Variants in RLIG1 observed in about 807,000 individuals in gnomAD.
RLIG1 encodes RNA 5'-phosphate and 3'-OH ligase 1.
chr12:88,048,125 T>A, the RLIG1 span: 1 of 689,238 alleles, frequency 1.5e-6, no homozygotes. Flanking sequence ...AACAGTAAGA[T>A]AAAGTGGAGT....
chr12:88,049,140 A>AAAGTT, the RLIG1 span: 3 of 1,149,270 alleles, frequency 2.6e-6, no homozygotes, highest in East Asian at 4.8e-5. Flanking sequence ...TTTAACTTAT[A>AAAGTT]AAGTTAATAA....
the RLIG1 span, among the ~76,000 whole-genome samples, chr12:88,038,089 G>A: frequency 7.0e-3 from 1,069 of 152,228 alleles, 11 homozygotes; most frequent in African/African-American, 0.024. Context: ...AAAATTGTTA[G>A]GGGAAAAACA....
chr12:88,040,232 G>A, the RLIG1 span: 8 of 1,603,174 alleles, frequency 5.0e-6, no homozygotes, highest in Non-Finnish European at 6.8e-6. Flanking sequence ...AGAAAAAGTG[G>A]ATGGAACATG....
chr12:88,050,119 A>G, the RLIG1 span: 39 of 352,494 alleles, frequency 1.1e-4, no homozygotes, highest in Non-Finnish European at 1.6e-4. Context: ...CTAATGGCAT[A>G]TATTTGTTAC....
At chr12:88,038,524 A>G in the RLIG1 span, among the ~76,000 whole-genome samples, 1 of 152,162 alleles carries the variant, frequency 6.6e-6, no homozygotes, top group Non-Finnish European at 1.5e-5. Flanking sequence ...TATAGAGGCA[A>G]TTTTTCTTTT....
At chr12:88,039,757 G>A in the RLIG1 span, among the ~76,000 whole-genome samples, 3 of 152,028 alleles carry the variant, frequency 2.0e-5, no homozygotes, top group African/African-American at 4.8e-5. Context: ...TAAAATGCAA[G>A]TTTCACCCAA....
At chr12:88,045,492 A>T in the RLIG1 span, 1 of 935,672 alleles carries the variant, frequency 1.1e-6, no homozygotes, top group Non-Finnish European at 1.6e-6. Context: ...AGAAAACATG[A>T]GAAATTTACA....
At chr12:88,035,585 C>T in the RLIG1 span, 7 of 1,521,474 alleles carry the variant, frequency 4.6e-6, no homozygotes, top group African/African-American at 6.9e-5. Flanking sequence ...CAGGGCTTCT[C>T]CGCGACTGGA....
the RLIG1 span, chr12:88,047,062 A>G: frequency 7.9e-7 from 1 of 1,264,524 alleles, no homozygotes; most frequent in Non-Finnish European, 1.1e-6. Context: ...CTCTCTACAA[A>G]TGGCAGCAAT....
At chr12:88,049,377 A>G in the RLIG1 span, 5 of 1,549,030 alleles carry the variant, frequency 3.2e-6, no homozygotes, top group African/African-American at 1.4e-5. Context: ...TGAAGGATCA[A>G]AATTTTCCAG....
the RLIG1 span, chr12:88,036,114 C>T: frequency 1.5e-6 from 2 of 1,314,786 alleles, no homozygotes; most frequent in Non-Finnish European, 1.0e-6. Flanking sequence ...TTCAAGAGTG[C>T]AGTAAGAAAG....
the RLIG1 span, among the ~76,000 whole-genome samples, chr12:88,040,915 G>A: frequency 6.6e-6 from 1 of 152,044 alleles, no homozygotes. Context: ...CTTGTATCAG[G>A]AAATTTATTC....
the RLIG1 span, chr12:88,036,098 C>T: frequency 1.5e-6 from 2 of 1,345,004 alleles, no homozygotes; most frequent in African/African-American, 1.5e-5. Context: ...CCAAGCTTTA[C>T]TACTTTTCAA....
At chr12:88,049,564 G>T in the RLIG1 span, 297 of 587,750 alleles carry the variant, frequency 5.1e-4, 2 homozygotes, top group African/African-American at 4.9e-3. Context: ...ATTTTTCTTT[G>T]TTCCATTGTA....
At chr12:88,043,807 G>C in the RLIG1 span, 1 of 887,522 alleles carries the variant, frequency 1.1e-6, no homozygotes, top group Middle Eastern at 2.2e-4. Flanking sequence ...TTTTAATCTG[G>C]GTCTTCATTA....
At chr12:88,042,814 T>C in the RLIG1 span, 2 of 1,476,148 alleles carry the variant, frequency 1.4e-6, no homozygotes, top group Non-Finnish European at 1.8e-6. Flanking sequence ...CTTTTGTTAT[T>C]ACTTTTTTAG....
the RLIG1 span, among the ~76,000 whole-genome samples, chr12:88,039,723 T>C: frequency 1.2e-4 from 18 of 152,178 alleles, no homozygotes; most frequent in Non-Finnish European, 2.9e-5. Flanking sequence ...ATATTATGCA[T>C]TGTGCTTCTT....
At chr12:88,046,874 A>G in the RLIG1 span, 1 of 1,613,110 alleles carries the variant, frequency 6.2e-7, no homozygotes, top group Non-Finnish European at 8.5e-7. Context: ...TAAGAAATCT[A>G]CCTTCATTGA....
At chr12:88,049,514 C>T in the RLIG1 span, 4 of 683,084 alleles carry the variant, frequency 5.9e-6, no homozygotes, top group Admixed American at 3.0e-5. Context: ...CAAAGTATTC[C>T]TGAATGGTCA....
Sources: allele counts gnomAD v4.1 joint callset (sites outside exome capture counted in the v4.1 genomes callset), GRCh38; gene constraint gnomAD v4.1.1; transcripts MANE v1.5; gene names NCBI Gene and HGNC (gene_info 2026-07-23, HGNC 2026-07-21).